The following ADAMTS19 variants were observed in gnomAD, a reference collection of about 807,000 sequenced individuals.
The protein encoded by ADAMTS19 is A disintegrin and metalloproteinase with thrombospondin motifs 19.
A neutral mutation model predicts 153.3 loss-of-function variants in ADAMTS19; 93 were observed. That is an observed-to-expected ratio of 0.61 (90% CI 0.51 to 0.72). The LOEUF (loss-of-function observed/expected upper bound fraction) is 0.72. Ranked by LOEUF, ADAMTS19 falls within the 30% of genes least tolerant of loss-of-function variation. The pLI, the probability that ADAMTS19 is intolerant of heterozygous loss-of-function variation, is 0.00. For missense variants in ADAMTS19, 1,482 were observed against 1,552.1 expected, an observed-to-expected ratio of 0.95 and a Z score of 0.76; for synonymous variants, 600 against 556.6, an observed-to-expected ratio of 1.08 and a Z score of -1.10.
chr5:129,490,937 C>G (rs1750746050), intron 2 of ADAMTS19, among the ~76,000 whole-genome samples: 1 of 151,956 alleles, frequency 6.6e-6, no homozygotes, highest in African/African-American at 2.4e-5. Context: ...CAAATATTTT[C>G]AGTGAAACTG....
chr5:129,614,912 A>G (rs1363268359), intron 8 of ADAMTS19, among the ~76,000 whole-genome samples: 1 of 152,168 alleles, frequency 6.6e-6, no homozygotes, highest in Non-Finnish European at 1.5e-5. Flanking sequence ...AGAGAGCCAA[A>G]TCATGAGTGA....
At chr5:129,657,218 G>A (rs1456087005) in intron 14 of ADAMTS19, among the ~76,000 whole-genome samples, 2 of 152,166 alleles carry the variant, frequency 1.3e-5, no homozygotes, top group Non-Finnish European at 2.9e-5. Flanking sequence ...ATGCTGTATT[G>A]TGCAGTTTTA....
At position 129,558,108 on chromosome 5, in the gene ADAMTS19, T is replaced by C. The variant is rs138340939; in HGVS notation, c.1372+6201T>C. On this transcript the variant is annotated intron_variant, in intron 7 of 22. Transcript: ENST00000274487. Reference sequence around the variant, plus strand: ...ACTTTATTAACCAGTAGAAGTCACTTACAAAACAACTTGTAAATATCTTTC... The same window carrying C: ...ACTTTATTAACCAGTAGAAGTCACTCACAAAACAACTTGTAAATATCTTTC... Among the ~76,000 whole-genome samples the C allele has an allele frequency of 4.9e-3, 743 of 152,138 alleles. 5 individuals are homozygous for C. The highest frequency in any genetic ancestry group is 0.017 in the African/African-American group (689 of 41,528).
intron 7 of ADAMTS19, among the ~76,000 whole-genome samples, chr5:129,576,949 G>T (rs994014293): frequency 1.3e-5 from 2 of 152,120 alleles, no homozygotes; most frequent in East Asian, 3.9e-4. Flanking sequence ...TAGGTTCCCT[G>T]TGTTAAACTG....
intron 21 of ADAMTS19, among the ~76,000 whole-genome samples, chr5:129,718,665 T>G (rs1756837891): frequency 6.6e-6 from 1 of 152,164 alleles, no homozygotes; most frequent in Non-Finnish European, 1.5e-5. Context: ...TTGGTTTCCT[T>G]ATGAGGTCCT....
intron 8 of ADAMTS19, among the ~76,000 whole-genome samples, chr5:129,618,506 C>A (rs536644738): frequency 1.3e-5 from 2 of 151,836 alleles, no homozygotes; most frequent in African/African-American, 4.8e-5. Flanking sequence ...TTCATATTAT[C>A]TTCTTCCTTC....
At chr5:129,700,085 G>T (rs191149035) in intron 19 of ADAMTS19, among the ~76,000 whole-genome samples, 1 of 152,058 alleles carries the variant, frequency 6.6e-6, no homozygotes, top group Non-Finnish European at 1.5e-5. Context: ...AGAAATACAG[G>T]GAAGATTTTA....
chr5:129,496,255 A>T (rs888552030), intron 2 of ADAMTS19, among the ~76,000 whole-genome samples: 5 of 152,116 alleles, frequency 3.3e-5, no homozygotes, highest in African/African-American at 1.2e-4. Flanking sequence ...GGTAACGAGG[A>T]CATGAAATCC....
chr5:129,736,638 G>A (rs1054032002), intron 22 of ADAMTS19, among the ~76,000 whole-genome samples: 2 of 152,016 alleles, frequency 1.3e-5, no homozygotes, highest in African/African-American at 2.4e-5. Context: ...AAATAACTGT[G>A]AGCATATTTT....
chr5:129,572,661 A>G (rs1454901802), intron 7 of ADAMTS19, among the ~76,000 whole-genome samples: 3 of 151,978 alleles, frequency 2.0e-5, no homozygotes, highest in African/African-American at 7.2e-5. Context: ...GGGAAAGAAG[A>G]TAGTCTCAAA....
At chr5:129,565,323 G>A (rs566568607) in intron 7 of ADAMTS19, among the ~76,000 whole-genome samples, 23 of 152,108 alleles carry the variant, frequency 1.5e-4, no homozygotes, top group Admixed American at 9.2e-4. Context: ...ATGATGGTCT[G>A]GGTCTCAGAT....
intron 10 of ADAMTS19, among the ~76,000 whole-genome samples, chr5:129,627,348 G>A (rs1374662351): frequency 6.6e-6 from 1 of 151,808 alleles, no homozygotes; most frequent in Non-Finnish European, 1.5e-5. Flanking sequence ...AAGAGAGATT[G>A]ATCAGCTGTA....
At chr5:129,676,467 C>T (rs961917682) in intron 16 of ADAMTS19, among the ~76,000 whole-genome samples, 4 of 152,232 alleles carry the variant, frequency 2.6e-5, no homozygotes, top group Non-Finnish European at 4.4e-5. Flanking sequence ...CTGAAGCCCT[C>T]GCCCTCATCA....
intron 16 of ADAMTS19, among the ~76,000 whole-genome samples, chr5:129,669,954 A>G (rs898486101): frequency 3.9e-5 from 6 of 152,020 alleles, no homozygotes; most frequent in African/African-American, 1.4e-4. Context: ...TTACCTTTTA[A>G]GAGCATAGAT....
At chr5:129,536,702 C>T (rs891083474) in intron 6 of ADAMTS19, among the ~76,000 whole-genome samples, 77 of 152,204 alleles carry the variant, frequency 5.1e-4, no homozygotes, top group African/African-American at 1.7e-3. Context: ...GAAAATGTGG[C>T]ACATATACAC....
intron 10 of ADAMTS19, among the ~76,000 whole-genome samples, chr5:129,632,689 T>G (rs371558555): frequency 1.8e-4 from 28 of 152,060 alleles, no homozygotes; most frequent in African/African-American, 6.5e-4. Context: ...CTTTTTCTTT[T>G]TCTTTTACCA....
At chr5:129,591,308 T>C (rs527295161) in intron 7 of ADAMTS19, among the ~76,000 whole-genome samples, 85 of 151,986 alleles carry the variant, frequency 5.6e-4, no homozygotes, top group African/African-American at 1.4e-3. Flanking sequence ...TTTTTTTTTT[T>C]CTGAGATGGA....
At chr5:129,558,583 A>G (rs1162345894) in intron 7 of ADAMTS19, among the ~76,000 whole-genome samples, 1 of 152,082 alleles carries the variant, frequency 6.6e-6, no homozygotes, top group African/African-American at 2.4e-5. Flanking sequence ...CCTCAAACTG[A>G]TCTATTAATA....
chr5:129,714,622 A>G (rs1756640768), intron 21 of ADAMTS19, among the ~76,000 whole-genome samples: 2 of 152,090 alleles, frequency 1.3e-5, no homozygotes, highest in South Asian at 4.1e-4. Flanking sequence ...AAGGGTGCAG[A>G]CGCTACGTAA....
Sources: gnomAD v4.1 joint callset for allele counts (sites outside exome capture counted in the v4.1 genomes callset) on GRCh38, gnomAD v4.1.1 for gene constraint, MANE v1.5 for transcripts, NCBI Gene and HGNC (gene_info 2026-07-23, HGNC 2026-07-21) for gene names.